The following UNC13C variants were observed in gnomAD, a reference collection of about 807,000 sequenced individuals.
UNC13C encodes the protein unc-13 homolog C, also known as protein unc-13 homolog C.
UNC13C carries 174 observed loss-of-function variants against 245.4 expected under a neutral mutation model. The ratio of observed to expected loss-of-function variants is 0.71; its 90% CI spans 0.63 to 0.80. UNC13C has a LOEUF of 0.80. Among genes scored for constraint, UNC13C ranks in the 30% least tolerant of loss-of-function variants. The pLI is 0.00. For missense variants in UNC13C, 2,829 were observed against 2,602.9 expected (o/e 1.09, Z -1.89); for synonymous variants, 992 against 895.1 (o/e 1.11, Z -1.93).
Position 54,477,206 on chromosome 15 carries a change from G to A in UNC13C, c.4934-17402G>A, listed in dbSNP as rs926739023. ...TTGCTTATCTGCTTAAGGAGATTTT[G>A]GGCTGAGACGATGGGGTTTTCTAGA... On this transcript the variant is annotated intron_variant, in intron 19 of 32. Coordinates refer to ENST00000260323, the MANE Select transcript of UNC13C (RefSeq NM_001080534.3). Among the ~76,000 whole-genome samples the A allele has an allele frequency of 2.9e-3, 342 of 119,746 alleles. 18 individuals carry two copies. Among genetic ancestry groups the A allele is most frequent in the Non-Finnish European group, 4.7e-3 (271 of 57,152 alleles). The allele number at this position is 119,746 out of a possible 152,430, so 78.6% of individuals were successfully genotyped here. A position where few individuals can be genotyped will look rare whatever the true frequency, so the allele number is the denominator to read the frequency against.
At chr15:54,112,560 T>C (rs2029886308) in intron 2 of UNC13C, among the ~76,000 whole-genome samples, 1 of 152,194 alleles carries the variant, frequency 6.6e-6, no homozygotes, top group Non-Finnish European at 1.5e-5. Context: ...GGAACTGTCA[T>C]GTTGAATATG....
chr15:53,886,359 T>A, the UNC13C span, among the ~76,000 whole-genome samples: 11 of 152,000 alleles, frequency 7.2e-5, no homozygotes, highest in Non-Finnish European at 1.3e-4. Flanking sequence ...CAAACCTACC[T>A]TGATAGGGAT....
At chr15:54,302,188 T>C (rs1283932176) in intron 13 of UNC13C, among the ~76,000 whole-genome samples, 4 of 152,224 alleles carry the variant, frequency 2.6e-5, no homozygotes, top group Admixed American at 2.6e-4. Flanking sequence ...TTCTCGATAT[T>C]AGCCCTTTGT....
At chr15:53,956,875 A>AGTGTGTGTGTGTGT in the UNC13C span, among the ~76,000 whole-genome samples, 10,009 of 139,634 alleles carry the variant, frequency 0.072, 464 homozygotes, top group Non-Finnish European at 0.086. Context: ...GTTAAGCTCA[A>AGTGTGTGTGTGTGT]GTGTGTGTGT....
chr15:54,458,114 T>C (rs1168484086), intron 19 of UNC13C, among the ~76,000 whole-genome samples: 4 of 152,092 alleles, frequency 2.6e-5, no homozygotes, highest in Admixed American at 2.0e-4. Context: ...CAAGGAATTT[T>C]TAATTTTCCA....
chr15:54,051,730 C>T (rs1391033134), intron 2 of UNC13C, among the ~76,000 whole-genome samples: 1 of 150,152 alleles, frequency 6.7e-6, no homozygotes, highest in African/African-American at 2.5e-5. Context: ...GTGGATTGAG[C>T]TCGTTTAAGG....
At chr15:54,533,582 A>G (rs1180367096) in intron 26 of UNC13C, among the ~76,000 whole-genome samples, 1 of 152,218 alleles carries the variant, frequency 6.6e-6, no homozygotes, top group African/African-American at 2.4e-5. Flanking sequence ...TACACACTGG[A>G]CAGTGAAGAA....
chr15:54,582,281 T>G (rs1390790376), intron 30 of UNC13C, among the ~76,000 whole-genome samples: 1 of 152,168 alleles, frequency 6.6e-6, no homozygotes, highest in East Asian at 1.9e-4. Context: ...CTTGTAGATC[T>G]GTGCAACCTA....
intron 19 of UNC13C, among the ~76,000 whole-genome samples, chr15:54,457,400 T>A (rs1282919714): frequency 6.6e-6 from 1 of 152,116 alleles, no homozygotes; most frequent in East Asian, 1.9e-4. Context: ...ATAGAATGAG[T>A]TAGGGAGGAC....
intron 8 of UNC13C, among the ~76,000 whole-genome samples, chr15:54,256,060 T>C (rs2414288): frequency 0.57 from 86,511 of 152,014 alleles, 26,428 homozygotes; most frequent in African/African-American, 0.8. Flanking sequence ...TATTGAGCTA[T>C]TTAAAAATAA....
chr15:54,589,718 A>G (rs867974375), intron 30 of UNC13C, among the ~76,000 whole-genome samples: 1 of 151,734 alleles, frequency 6.6e-6, no homozygotes. Context: ...GTCCTTTGTC[A>G]GAAGTATAGA....
rs1246518938 is a variant in UNC13C, at chr15:54,333,757, A to T, written c.4495-10A>T. 1 of 1,584,508 alleles carries T rather than the reference A, an allele frequency of 6.3e-7. No homozygotes were observed. The highest frequency in any genetic ancestry group is 8.6e-7 in the Non-Finnish European group (1 of 1,161,410). On this transcript the variant is annotated splice_polypyrimidine_tract_variant and intron_variant, in intron 15 of 32. Coordinates refer to ENST00000260323, the MANE Select transcript of UNC13C (RefSeq NM_001080534.3). ...GACAACCTTATCCATTTTGTTTCCT[A>T]ATTAACCAGGAAAACTTTCCTGCAA...
At chr15:54,339,901 C>G (rs1328744412) in intron 17 of UNC13C, among the ~76,000 whole-genome samples, 1 of 152,076 alleles carries the variant, frequency 6.6e-6, no homozygotes, top group African/African-American at 2.4e-5. Context: ...GTTTACATTC[C>G]CATTAGCAGT....
chr15:54,511,949 G>T, intron 24 of UNC13C, 119 bp downstream of exon 24: 1 of 704,646 alleles, frequency 1.4e-6, no homozygotes, highest in South Asian at 1.7e-5. Context: ...AACAGGAAAT[G>T]ATAATAATCT....
intron 2 of UNC13C, among the ~76,000 whole-genome samples, chr15:54,103,671 A>G (rs1057058299): frequency 6.6e-6 from 1 of 151,324 alleles, no homozygotes; most frequent in East Asian, 1.9e-4. Context: ...TTTTTTTTCT[A>G]CCTGTGCCAT....
intron 2 of UNC13C, among the ~76,000 whole-genome samples, chr15:54,075,076 A>T (rs1334511619): frequency 1.3e-5 from 2 of 152,068 alleles, no homozygotes; most frequent in Admixed American, 6.5e-5. Flanking sequence ...CTGAGCTGCA[A>T]TTTCTATATC....
chr15:54,549,532 C>A, intron 27 of UNC13C, 103 bp from the exon 28 acceptor site: 1 of 899,066 alleles, frequency 1.1e-6, no homozygotes, highest in South Asian at 1.8e-5. Flanking sequence ...AGCCATAAGT[C>A]TTATAAGGGA....
At chr15:54,024,322 G>A (rs555732846) in intron 2 of UNC13C, among the ~76,000 whole-genome samples, 12 of 152,258 alleles carry the variant, frequency 7.9e-5, no homozygotes, top group African/African-American at 2.2e-4. Flanking sequence ...AGGGATTGAG[G>A]TACTAGAGAG....
intron 2 of UNC13C, among the ~76,000 whole-genome samples, chr15:54,095,709 C>T (rs541467093): frequency 1.3e-5 from 2 of 152,128 alleles, no homozygotes; most frequent in South Asian, 2.1e-4. Context: ...AGTACTCGGA[C>T]GAAACAGAAA....
Sources: gnomAD v4.1 joint callset for allele counts (sites outside exome capture counted in the v4.1 genomes callset) on GRCh38, gnomAD v4.1.1 for gene constraint, MANE v1.5 for transcripts, NCBI Gene and HGNC (gene_info 2026-07-23, HGNC 2026-07-21) for gene names.